MICAL2: variants seen among roughly 807,000 people sequenced by gnomAD.
MICAL2 encodes the protein microtubule associated monooxygenase, calponin and LIM domain containing 2, also known as [F-actin]-monooxygenase MICAL2.
A neutral mutation model predicts 127.3 loss-of-function variants in MICAL2; 77 were observed. That is an observed-to-expected ratio of 0.60 (90% confidence interval 0.50 to 0.73). The LOEUF is 0.73. Among genes scored for constraint, MICAL2 ranks in the 30% least tolerant of loss-of-function variants. The pLI is 0.00. For synonymous variants in MICAL2, 570 were observed against 551.1 expected, an observed-to-expected ratio of 1.03 and a Z score of -0.48; for missense variants, 1,351 against 1,434.4, an observed-to-expected ratio of 0.94 and a Z score of 0.94.
chr11:12,306,987 GT>G (rs1386130446), intron 29 of MICAL2, among the ~76,000 whole-genome samples: 1 of 152,188 alleles, frequency 6.6e-6, no homozygotes, highest in African/African-American at 2.4e-5. Context: ...CTATGGGGTT[GT>G]TTGGTCATTT....
chr11:12,213,183 T>C (rs1855722758), intron 6 of MICAL2, 72 bp from the exon 7 acceptor site: 1 of 1,503,410 alleles, frequency 6.7e-7, no homozygotes, highest in Admixed American at 2.0e-5. Flanking sequence ...GGAACAGCTC[T>C]CCCAATAATC....
At chr11:12,315,366 CTAATATG>C in intron 29 of MICAL2, among the ~76,000 whole-genome samples, 1 of 152,124 alleles carries the variant, frequency 6.6e-6, no homozygotes, top group Non-Finnish European at 1.5e-5. Flanking sequence ...CTTACAAATT[CTAATATG>C]TTGTGTTTTC....
intron 2 of MICAL2, among the ~76,000 whole-genome samples, chr11:12,149,297 G>A (rs918508420): frequency 6.6e-5 from 10 of 152,174 alleles, no homozygotes; most frequent in Admixed American, 3.3e-4. Context: ...GCTGGATCAC[G>A]AAGGTAGTTT....
chr11:12,201,937 G>C (rs1216070622), intron 3 of MICAL2, among the ~76,000 whole-genome samples: 3 of 152,114 alleles, frequency 2.0e-5, no homozygotes, highest in Admixed American at 6.6e-5. Flanking sequence ...TGACCAACAT[G>C]GAAAAACCCC....
intron 3 of MICAL2, among the ~76,000 whole-genome samples, chr11:12,164,091 G>A (rs554665786): frequency 6.6e-6 from 1 of 152,236 alleles, no homozygotes; most frequent in East Asian, 1.9e-4. Flanking sequence ...CCACCAAGAA[G>A]AGACCCTTCT....
chr11:12,227,032 G>A lies in MICAL2; in HGVS notation c.1896G>A (p.Trp632Ter). Residue 632 changes from tryptophan (W) to a stop codon, truncating the protein, a stop_gained, in exon 15 of 28, where the codon TGG (tryptophan) becomes TGA (stop). Transcript: ENST00000683283. LOFTEE classifies it high-confidence loss of function. ...CGCTTTATTTCCCAACAGATTCTTG[G>A]CGCAAAAACTATGGAGAAAATGCTG... Reference protein sequence around the residue: ...RGTPLRPVDSWRKNYGENADL... With the variant: ...RGTPLRPVDS The A allele has an allele frequency of 4.3e-6, 7 of 1,613,660 alleles. No individual in the cohort carries two copies. Among genetic ancestry groups the A allele is most frequent in the Non-Finnish European group, 5.9e-6 (7 of 1,179,662 alleles).
At chr11:12,226,846 C>T (rs1041114659) in intron 14 of MICAL2, among the ~76,000 whole-genome samples, 179 bp from the exon 15 acceptor site, 24 of 151,480 alleles carry the variant, frequency 1.6e-4, no homozygotes, top group Admixed American at 3.3e-4. Context: ...AGTAGAGACG[C>T]GGTTTCACTG....
intron 3 of MICAL2, among the ~76,000 whole-genome samples, chr11:12,180,653 T>C (rs1857344753): frequency 6.6e-6 from 1 of 152,150 alleles, no homozygotes; most frequent in South Asian, 2.1e-4. Flanking sequence ...GCTGGGATTA[T>C]TATCCCCACT....
chr11:12,263,268 C>A (rs868165302), intron 27 of MICAL2: 1 of 152,248 alleles, frequency 6.6e-6, no homozygotes, highest in African/African-American at 2.4e-5. Context: ...CTCAGTTCAG[C>A]CCCAGGCCCC....
At chr11:12,204,210 A>C in intron 3 of MICAL2, 40 bp from the exon 4 acceptor site, 2 of 1,589,340 alleles carry the variant, frequency 1.3e-6, no homozygotes, top group Non-Finnish European at 1.7e-6. Context: ...CTGTGATGCT[A>C]GAGGTTACCA....
At chr11:12,202,995 A>G (rs1431762086) in intron 3 of MICAL2, among the ~76,000 whole-genome samples, 1 of 152,190 alleles carries the variant, frequency 6.6e-6, no homozygotes, top group Non-Finnish European at 1.5e-5. Context: ...GGATTTGCCT[A>G]TTCTGGACAT....
At chr11:12,247,703 G>A (rs901520457) in intron 21 of MICAL2, among the ~76,000 whole-genome samples, 1 of 152,210 alleles carries the variant, frequency 6.6e-6, no homozygotes, top group African/African-American at 2.4e-5. Flanking sequence ...ACTGGGCTTT[G>A]CACATGCAGA....
chr11:12,304,667 C>T (rs974813736), intron 29 of MICAL2, among the ~76,000 whole-genome samples: 20 of 151,496 alleles, frequency 1.3e-4, no homozygotes, highest in East Asian at 9.7e-4. Flanking sequence ...CACACACACA[C>T]ACACACACAC....
intron 1 of MICAL2, among the ~76,000 whole-genome samples, chr11:12,118,259 A>G (rs1262873500): frequency 2.0e-5 from 3 of 152,214 alleles, no homozygotes; most frequent in Admixed American, 6.5e-5. Flanking sequence ...ACACGCACAC[A>G]TAGATGCACG....
chr11:12,312,779 C>A (rs1301846924), intron 29 of MICAL2, among the ~76,000 whole-genome samples: 4 of 152,172 alleles, frequency 2.6e-5, no homozygotes, highest in Non-Finnish European at 1.5e-5. Context: ...GGAAACCCAG[C>A]AAGGCCTGTC....
chr11:12,351,161 A>G (rs1351886498), intron 33 of MICAL2, among the ~76,000 whole-genome samples: 6 of 152,228 alleles, frequency 3.9e-5, no homozygotes, highest in Non-Finnish European at 7.3e-5. Context: ...GGTCACATTC[A>G]GTTTCCATGG....
exon 32 of MICAL2, chr11:12,327,244 G>C: frequency 6.4e-7 from 1 of 1,550,910 alleles, no homozygotes; most frequent in East Asian, 2.4e-5. Context: ...TGAGGCTGGA[G>C]AAGGCGTTGC....
In MICAL2 at chr11:12,338,669, A is replaced by G. The variant is rs552111595; in HGVS notation, c.5516-11169A>G. On this transcript the variant is annotated intron_variant, in intron 32 of 34. Coordinates refer to the MICAL2 transcript ENST00000646065. The stretch of plus-strand genomic sequence containing the variant: ...GGCCTTGTGGTGACAAAATCTCTCA[A>G]CATTTGCTTGTCTGTAAAGTATTTT... Among the ~76,000 whole-genome samples, 141 of 152,132 alleles carry G rather than the reference A, an allele frequency of 9.3e-4. 1 individual carries two copies. Among genetic ancestry groups the G allele is most frequent in the East Asian group, 7.2e-3 (37 of 5,170 alleles).
upstream of MICAL2, chr11:12,275,857 G>C (rs1206417861): frequency 2.5e-6 from 1 of 397,734 alleles, no homozygotes; most frequent in Non-Finnish European, 4.4e-6. Flanking sequence ...AGGTGGCACG[G>C]AGGACAAGAA....
Sources: gnomAD v4.1 joint callset for allele counts (sites outside exome capture counted in the v4.1 genomes callset) on GRCh38, gnomAD v4.1.1 for gene constraint, MANE v1.5 for transcripts, NCBI Gene and HGNC (gene_info 2026-07-23, HGNC 2026-07-21) for gene names.